Variants in MTRR observed in about 807,000 individuals in gnomAD.
MTRR encodes the protein 5-methyltetrahydrofolate-homocysteine methyltransferase reductase, also known as methionine synthase reductase.
Under a neutral mutation model 79.2 loss-of-function variants are expected in MTRR, and 63 were observed. That is an observed-to-expected ratio of 0.80 (90% CI 0.65 to 0.98). The LOEUF (loss-of-function observed/expected upper bound fraction) is 0.98, where lower values mean the gene tolerates loss of function less well. Among genes scored for constraint, MTRR ranks in the 50% least tolerant of loss-of-function variants. MTRR has a pLI of 0.00. For synonymous variants in MTRR, 355 were observed against 313.3 expected (o/e 1.13, Z -1.41); for missense variants, 895 against 839.6 (o/e 1.07, Z -0.82).
At chr5:7,868,202 A>T, upstream of MTRR, 23 of 28,472 alleles carry the variant, frequency 8.1e-4, no homozygotes, top group Non-Finnish European at 1.2e-3. Context: ...AGTATCTGGA[A>T]AAAAAAAAAA....
chr5:7,862,919 G>C, intron 2 of MTRR: 1 of 1,614,044 alleles, frequency 6.2e-7, no homozygotes, highest in Non-Finnish European at 8.5e-7. Context: ...CTATAAAGCT[G>C]AGAATCCACA....
In MTRR at chr5:7,883,228, C is replaced by T; in HGVS notation, c.854C>T (p.Thr285Ile). 6.2e-7 allele frequency: 1 copy of T among 1,614,220 alleles called. No homozygotes were observed. The highest frequency in any genetic ancestry group is 8.5e-7 in the Non-Finnish European group (1 of 1,180,028). The change falls in exon 6 of 15, where the codon ACT becomes ATT. Residue 285 changes from threonine to isoleucine, a missense_variant. Transcript: ENST00000440940. ...QVPISKAVQLTTNDAIKTTLL... is the reference protein window; with the variant it reads ...QVPISKAVQLITNDAIKTTLL... ...CCAATTTCAAAGGCAGTTCAACTTA[C>T]TACGAATGATGCCATAAAAACCACT...
intron 9 of MTRR, among the ~76,000 whole-genome samples, chr5:7,890,094 A>G (rs931151033): frequency 2.0e-5 from 3 of 152,176 alleles, no homozygotes; most frequent in Non-Finnish European, 2.9e-5. Context: ...CTCCTTTCCC[A>G]TAGTGGTAAG....
At chr5:7,875,916 T>C (rs1347912121) in intron 4 of MTRR, among the ~76,000 whole-genome samples, 1 of 152,258 alleles carries the variant, frequency 6.6e-6, no homozygotes, top group African/African-American at 2.4e-5. Flanking sequence ...TTTATTTTTG[T>C]TTTTACAAGT....
rs756103128 is a variant in MTRR, at chr5:7,892,771, T to C, written c.1415T>C (p.Ile472Thr). 2 of 1,614,246 alleles carry C rather than the reference T, an allele frequency of 1.2e-6. No homozygotes were observed. Among genetic ancestry groups the C allele is most frequent in the Admixed American group, 1.7e-5 (1 of 60,034 alleles). ...GGAAAGCTCCATTTTGTCTTCAACA[T>C]TGTGGAATTTCTGTCTACTGCCACA... ...HPGKLHFVFN[I>T]VEFLSTATTE... Residue 472 changes from isoleucine to threonine, a missense_variant, in exon 11 of 15, where the codon ATT (isoleucine) becomes ACT (threonine). Ile to Thr is a moderately conservative substitution (Grantham distance 89). Coordinates refer to ENST00000440940, the MANE Select transcript of MTRR (RefSeq NM_002454.3).
chr5:7,859,289 A>ATATAC (rs766971664), intron 1 of MTRR: 1 of 452,550 alleles, frequency 2.2e-6, no homozygotes. Context: ...AAATGTATAC[A>ATATAC]TAGTATAAGG....
chr5:7,866,567 T>C (rs74569899), upstream of MTRR: 2 of 1,057,630 alleles, frequency 1.9e-6, no homozygotes, highest in African/African-American at 3.2e-5. Context: ...GGCAACATAT[T>C]GCCTTTATAT....
At chr5:7,892,681 A>T in intron 10 of MTRR, 46 bp from the exon 11 acceptor site, 1 of 1,567,578 alleles carries the variant, frequency 6.4e-7, no homozygotes, top group African/African-American at 1.3e-5. Context: ...CCATATGTGT[A>T]GTAGTACTGA....
chr5:7,888,834 TTG>T (rs1737053729), intron 8 of MTRR, among the ~76,000 whole-genome samples: 1 of 152,252 alleles, frequency 6.6e-6, no homozygotes, highest in Admixed American at 6.5e-5. Context: ...GTTTGATGTT[TTG>T]TTCAGGAATT....
In MTRR at chr5:7,900,205, C is replaced by T. The variant is rs1021283684; in HGVS notation, c.*147C>T. The T allele has an allele frequency of 1.1e-6, 1 of 884,906 alleles. No homozygotes were observed. Among genetic ancestry groups the T allele is most frequent in the African/African-American group, 1.7e-5 (1 of 58,470 alleles). 54.8% of individuals were successfully genotyped at this position (884,906 alleles called of 1,614,324 possible). On this transcript the variant is annotated 3_prime_UTR_variant, in exon 15 of 15. Transcript: ENST00000440940. ...ATGGAGTGGAGATTGGATCATTTAA[C>T]AATATAACAAAACTTCCTGATTTGA...
upstream of MTRR, chr5:7,866,010 G>T (rs369978610): frequency 2.1e-4 from 321 of 1,563,256 alleles, 1 homozygote; most frequent in Non-Finnish European, 3.0e-5. Flanking sequence ...CCCAGTCATA[G>T]TTACGTCTGA....
At chr5:7,894,839 T>TAGAA (rs1738236322) in intron 11 of MTRR, among the ~76,000 whole-genome samples, 1 of 152,272 alleles carries the variant, frequency 6.6e-6, no homozygotes, top group Non-Finnish European at 1.5e-5. Context: ...TGTTCATTTC[T>TAGAA]GTATCCTTAA....
intron 1 of MTRR, chr5:7,861,402 G>C: frequency 1.7e-6 from 1 of 598,210 alleles, no homozygotes; most frequent in South Asian, 4.5e-5. Context: ...TCATGAATTT[G>C]ATCTTATTAA....
intron 1 of MTRR, among the ~76,000 whole-genome samples, chr5:7,856,268 A>T (rs1746244795): frequency 6.6e-6 from 1 of 152,196 alleles, no homozygotes; most frequent in Non-Finnish European, 1.5e-5. Context: ...TCATATAGAC[A>T]ACAGTTAGAT....
intron 12 of MTRR, 32 bp from the exon 13 acceptor site, chr5:7,896,832 C>G: frequency 6.4e-7 from 1 of 1,564,472 alleles, no homozygotes; most frequent in African/African-American, 1.4e-5. Context: ...TTCTTTATAT[C>G]ACACACCTAA....
intron 14 of MTRR, among the ~76,000 whole-genome samples, chr5:7,899,338 G>A (rs535558775): frequency 1.3e-5 from 2 of 152,292 alleles, no homozygotes; most frequent in East Asian, 1.9e-4. Flanking sequence ...ATAAACAGAC[G>A]TTTCTAACGT....
At chr5:7,872,548 T>G (rs1441938084) in intron 2 of MTRR, among the ~76,000 whole-genome samples, 2 of 152,232 alleles carry the variant, frequency 1.3e-5, no homozygotes, top group Non-Finnish European at 2.9e-5. Context: ...CCTGAGGGAA[T>G]GAGCGGTTCT....
At chr5:7,866,521 G>T, upstream of MTRR, 1 of 718,550 alleles carries the variant, frequency 1.4e-6, no homozygotes, top group Non-Finnish European at 2.4e-6. Context: ...TTAACTTCAG[G>T]TCTCATCTTC....
intron 1 of MTRR, chr5:7,861,282 GA>G (rs1407369708): frequency 3.0e-6 from 4 of 1,337,456 alleles, no homozygotes; most frequent in Non-Finnish European, 4.1e-6. Flanking sequence ...TAAAAAAGGA[GA>G]AAAATACTTA....
Sources: gnomAD v4.1 joint callset for allele counts (sites outside exome capture counted in the v4.1 genomes callset) on GRCh38, gnomAD v4.1.1 for gene constraint, MANE v1.5 for transcripts, NCBI Gene and HGNC (gene_info 2026-07-23, HGNC 2026-07-21) for gene names.